Variants in CHD5 observed in about 807,000 individuals in gnomAD.
CHD5 encodes chromodomain helicase DNA binding protein 5.
CHD5 carries 69 observed loss-of-function variants against 230.3 expected under a neutral mutation model. The ratio of observed to expected loss-of-function variants is 0.30; its 90% CI spans 0.25 to 0.37. CHD5 has a LOEUF of 0.37. Ranked by LOEUF, CHD5 falls within the 10% of genes least tolerant of loss-of-function variation. CHD5 has a pLI of 1.00. For missense variants in CHD5, 1,827 were observed against 2,622.8 expected (o/e 0.70, Z 6.63); for synonymous variants, 1,064 against 1,065.9 (o/e 1.00, Z 0.03).
In CHD5 at chr1:6,142,641, T is replaced by C. The variant is rs774854693; in HGVS notation, c.2044-36A>G. The C allele has an allele frequency of 1.3e-6, 2 of 1,580,834 alleles. No individual in the cohort carries two copies. The highest frequency in any genetic ancestry group is 1.7e-6 in the Non-Finnish European group (2 of 1,163,150). ...GGCAGCGGTTCAGACACGCCCCAGATCCTGGGCCACCAGAGTCCACACTAC... is the reference window on the plus strand; with the variant it reads ...GGCAGCGGTTCAGACACGCCCCAGACCCTGGGCCACCAGAGTCCACACTAC... On this transcript the variant is annotated intron_variant, in intron 13 of 41. Coordinates refer to ENST00000262450, the MANE Select transcript of CHD5 (RefSeq NM_015557.3). The surrounding 1 kb of genome is among the most constrained non-coding windows in gnomAD (Gnocchi z 5.2).
intron 15 of CHD5, among the ~76,000 whole-genome samples, chr1:6,137,965 G>A (rs1051371012): frequency 3.3e-5 from 5 of 152,160 alleles, no homozygotes; most frequent in Admixed American, 1.3e-4. Context: ...GGTGCTGGTT[G>A]GGGAGGGGGA....
Position 6,121,641 on chromosome 1 carries a change from G to T in CHD5, c.4700-68C>A, listed in dbSNP as rs1328567532. On this transcript the variant is annotated intron_variant, in intron 31 of 41. Coordinates refer to ENST00000262450, the MANE Select transcript of CHD5 (RefSeq NM_015557.3). This position sits in a 1 kb window ranked among gnomAD's most constrained non-coding sequence, Gnocchi z 4.5. ...GGGAAGGAGTAGGGCAGGGAGTGGGGTGGCAGAGAGGAGAGATGGGGGCTT... is the reference window on the plus strand; with the variant it reads ...GGGAAGGAGTAGGGCAGGGAGTGGGTTGGCAGAGAGGAGAGATGGGGGCTT... The T allele has an allele frequency of 3.4e-6, 4 of 1,179,796 alleles. No homozygotes were observed. In the East Asian group the frequency reaches 7.3e-5, roughly 21 times the overall value. 73.1% of individuals were successfully genotyped at this position (1,179,796 alleles called of 1,614,324 possible). A position where few individuals can be genotyped will look rare whatever the true frequency, so the allele number is the denominator to read the frequency against.
rs201080455 is a variant in CHD5, at chr1:6,151,180, G to A, written c.871-25C>T. On this transcript the variant is annotated intron_variant, in intron 6 of 41. Transcript: ENST00000262450. ...TCTGCAGGGGAAGACAGGGTCCTGT[G>A]ATCCCAGGGCTTCACCCAGAAGGCT... The A allele has an allele frequency of 4.1e-5, 66 of 1,591,368 alleles. 1 individual carries two copies. Among genetic ancestry groups the A allele is most frequent in the Non-Finnish European group, 1.0e-5 (12 of 1,166,698 alleles).
At chr1:6,132,365 G>C (rs188439979) in intron 20 of CHD5, among the ~76,000 whole-genome samples, 1 of 152,278 alleles carries the variant, frequency 6.6e-6, no homozygotes, top group Non-Finnish European at 1.5e-5. Flanking sequence ...GAACGATCTG[G>C]CTGCCCTTAT....
chr1:6,110,111 C>T, intron 37 of CHD5, 121 bp from the exon 38 acceptor site: 1 of 1,022,096 alleles, frequency 9.8e-7, no homozygotes, highest in South Asian at 1.7e-5. Context: ...GACGTACTGC[C>T]ATCTGCTGCC....
Position 6,129,159 on chromosome 1 carries a change from G to T in CHD5, c.3388-90C>A, listed in dbSNP as rs936303136. 6.9e-6 allele frequency: 6 copies of T among 868,840 alleles called. No homozygotes were observed. The highest frequency in any genetic ancestry group is 9.1e-6 in the Non-Finnish European group (5 of 548,094). 53.8% of individuals were successfully genotyped at this position (868,840 alleles called of 1,614,324 possible). A position where few individuals can be genotyped will look rare whatever the true frequency, so the allele number is the denominator to read the frequency against. On this transcript the variant is annotated intron_variant, in intron 22 of 41. Coordinates refer to ENST00000262450, the MANE Select transcript of CHD5 (RefSeq NM_015557.3). This position sits in a 1 kb window ranked among gnomAD's most constrained non-coding sequence, Gnocchi z 6.8. ...ACCCATGAGCTCAAGAGCATGGAAT[G>T]GGCTGCATGACTGTGTAGGGAAAGG...
At position 6,125,366 on chromosome 1, in the gene CHD5, C is replaced by T. The variant is rs1666538728; in HGVS notation, c.4261-133G>A. The T allele has an allele frequency of 8.3e-7, 1 of 1,207,854 alleles. No individual in the cohort carries two copies. Among genetic ancestry groups the T allele is most frequent in the Non-Finnish European group, 1.2e-6 (1 of 868,904 alleles). The allele number at this position is 1,207,854 out of a possible 1,614,324, so 74.8% of individuals were successfully genotyped here. On this transcript the variant is annotated intron_variant, in intron 28 of 41. Coordinates refer to ENST00000262450, the MANE Select transcript of CHD5 (RefSeq NM_015557.3). This position sits in a 1 kb window ranked among gnomAD's most constrained non-coding sequence, Gnocchi z 6.7. ...GGCACAGAGAAGGCAGGGGCCTCCA[C>T]CTGGGGCAGGACCCTGACGGCGAAG...
At chr1:6,168,343 G>C in intron 1 of CHD5, 66 bp from the exon 2 acceptor site, 1 of 1,511,708 alleles carries the variant, frequency 6.6e-7, no homozygotes, top group Admixed American at 2.1e-5. Context: ...TGGAGACACA[G>C]AGCCAGCCCT....
intron 29 of CHD5, 140 bp downstream of exon 29, chr1:6,124,960 A>G (rs916006503): frequency 2.1e-6 from 2 of 938,000 alleles, no homozygotes; most frequent in Non-Finnish European, 3.1e-6. Flanking sequence ...CTAGCCACCC[A>G]AAGTCCAAGT....
chr1:6,166,349 G>A (rs1283504813), intron 2 of CHD5, among the ~76,000 whole-genome samples: 1 of 151,930 alleles, frequency 6.6e-6, no homozygotes, highest in African/African-American at 2.4e-5. Flanking sequence ...GTGGGGCACA[G>A]TCAGAGCACA....
Position 6,130,050 on chromosome 1 carries a change from G to T in CHD5, c.3387+154C>A. On this transcript the variant is annotated intron_variant, in intron 22 of 41. Coordinates refer to ENST00000262450, the MANE Select transcript of CHD5 (RefSeq NM_015557.3). The surrounding 1 kb of genome is among the most constrained non-coding windows in gnomAD (Gnocchi z 4.9). ...GGCCAAGCTTCCACTCACTCCCAGA[G>T]CCCCTCTTGGGGCCGAGACTCCACG... is the stretch of plus-strand genomic sequence containing the variant. 1 of 823,026 alleles carries T rather than the reference G, an allele frequency of 1.2e-6. No homozygotes were observed. Among genetic ancestry groups the T allele is most frequent in the Non-Finnish European group, 2.0e-6 (1 of 510,574 alleles). The allele number at this position is 823,026 out of a possible 1,614,324, so 51.0% of individuals were successfully genotyped here. A position where few individuals can be genotyped will look rare whatever the true frequency, so the allele number is the denominator to read the frequency against.
intron 33 of CHD5, chr1:6,113,282 G>C: frequency 2.4e-6 from 1 of 422,628 alleles, no homozygotes; most frequent in Non-Finnish European, 4.5e-6. Flanking sequence ...AACTTAGCTG[G>C]GCTTGGCGCC....
intron 33 of CHD5, among the ~76,000 whole-genome samples, chr1:6,114,284 G>T (rs1271409090): frequency 6.6e-6 from 1 of 151,820 alleles, no homozygotes; most frequent in Non-Finnish European, 1.5e-5. Flanking sequence ...TCCTGATGAG[G>T]ATGCACCCAA....
intron 2 of CHD5, among the ~76,000 whole-genome samples, chr1:6,165,284 C>T: frequency 6.6e-6 from 1 of 152,148 alleles, no homozygotes. Context: ...GCCCAGGAGA[C>T]GGGAGGGGAG....
chr1:6,125,706 G>A lies in CHD5; in HGVS notation c.4171+60C>T. On this transcript the variant is annotated intron_variant, in intron 27 of 41. Coordinates refer to ENST00000262450, the MANE Select transcript of CHD5 (RefSeq NM_015557.3). This position sits in a 1 kb window ranked among gnomAD's most constrained non-coding sequence, Gnocchi z 6.7. ...ACCCCAGACCAGCCCCGCTCCTGCT[G>A]CCATCAGCTCCCCTGACATGGCCTC... 1 of 1,588,502 alleles carries A rather than the reference G, an allele frequency of 6.3e-7. No individual in the cohort carries two copies. Among genetic ancestry groups the A allele is most frequent in the Non-Finnish European group, 8.6e-7 (1 of 1,156,896 alleles).
At position 6,127,818 on chromosome 1, in the gene CHD5, G is replaced by A. The variant is rs187140642; in HGVS notation, c.3903+228C>T. On this transcript the variant is annotated intron_variant, in intron 25 of 41. Coordinates refer to ENST00000262450, the MANE Select transcript of CHD5 (RefSeq NM_015557.3). ...CTAGTCCTGAGCCCGCGGGTGGAGC[G>A]ACAGGGCCGCCCTGCAGAGGCCGGA... Among the ~76,000 whole-genome samples the A allele has an allele frequency of 9.7e-3, 1,471 of 152,312 alleles. 12 individuals are homozygous for A. The highest frequency in any genetic ancestry group is 0.017 in the Non-Finnish European group (1,171 of 68,026).
chr1:6,105,924 G>T lies in CHD5; in HGVS notation c.*46+310C>A, dbSNP rs886371031. 6.6e-6 allele frequency among the ~76,000 whole-genome samples: 1 copy of T among 152,042 alleles called. No homozygotes were observed. Among genetic ancestry groups the T allele is most frequent in the South Asian group, 2.1e-4 (1 of 4,820 alleles). On this transcript the variant is annotated intron_variant, in intron 41 of 41. Transcript: ENST00000262450. This position sits in a 1 kb window ranked among gnomAD's most constrained non-coding sequence, Gnocchi z 4.8. ...GCGGGGGCAGCAGTCTCTGACTTCCGCTGGGAACATGTGTGCAAATGAGAA... is the reference window on the plus strand; with the variant it reads ...GCGGGGGCAGCAGTCTCTGACTTCCTCTGGGAACATGTGTGCAAATGAGAA...
intron 2 of CHD5, among the ~76,000 whole-genome samples, chr1:6,162,265 A>G (rs539048516): frequency 1.4e-3 from 220 of 152,208 alleles, no homozygotes; most frequent in African/African-American, 5.0e-3. Context: ...ACATGCCTGC[A>G]ATCCCAGCTA....
At position 6,112,188 on chromosome 1, in the gene CHD5, T is replaced by C. The variant is rs759140917; in HGVS notation, c.5092A>G (p.Lys1698Glu). 1 of 1,614,158 alleles carries C rather than the reference T, an allele frequency of 6.2e-7. No homozygotes were observed. Among genetic ancestry groups the C allele is most frequent in the Non-Finnish European group, 8.5e-7 (1 of 1,180,020 alleles). ...EDDEGKKEDK[K>E]GKFKFMFNIA... ...TTGAACATGAACTTGAATTTCCCCTTCTTGTCCTCCTTCTTCCCCTCGTCA... is the reference window on the plus strand; with the variant it reads ...TTGAACATGAACTTGAATTTCCCCTCCTTGTCCTCCTTCTTCCCCTCGTCA... The change falls in exon 35 of 42, where the codon AAG becomes GAG. Residue 1698 changes from lysine to glutamate, a missense_variant. Physicochemically the swap from Lys to Glu is moderately conservative, Grantham distance 56 (BLOSUM62 1). Coordinates refer to ENST00000262450, the MANE Select transcript of CHD5 (RefSeq NM_015557.3).
Sources: gnomAD v4.1 joint callset for allele counts (sites outside exome capture counted in the v4.1 genomes callset) on GRCh38, gnomAD v4.1.1 for gene constraint, Gnocchi (gnomAD v3.1) non-coding constraint, MANE v1.5 for transcripts, NCBI Gene and HGNC (gene_info 2026-07-23, HGNC 2026-07-21) for gene names.